Variants in CCT6B observed in about 807,000 individuals in gnomAD.
The protein encoded by CCT6B is chaperonin containing TCP1 subunit 6B, also known as probable T-complex protein 1 subunit zeta-2.
CCT6B carries 49 observed loss-of-function variants against 61.5 expected under a neutral mutation model. The ratio of observed to expected loss-of-function variants is 0.80; its 90% confidence interval spans 0.63 to 1.01. The LOEUF is 1.01. CCT6B is among the 50% of genes least tolerant of loss of function. The probability of loss-of-function intolerance (pLI) is 0.00; values close to 1 mark genes in which losing one functional copy is unlikely to be tolerated. For synonymous variants in CCT6B, 228 were observed against 214.5 expected, an observed-to-expected ratio of 1.06 and a Z score of -0.55; for missense variants, 666 against 634.7, an observed-to-expected ratio of 1.05 and a Z score of -0.53.
rs2142185579 is a variant in CCT6B at position 34,958,622 on chromosome 17, T to C, written c.274A>G (p.Thr92Ala). 6.2e-7 allele frequency: 1 copy of C among 1,601,988 alleles called. No individual in the cohort carries two copies. Among genetic ancestry groups the C allele is most frequent in the Middle Eastern group, 1.7e-4 (1 of 6,036 alleles). ...CCAATAATTAGAACATTTGAAGTAG[T>C]ACCATCTCCTGTGACGTCATCCTGA... ...TAQDDVTGDG[T>A]TSNVLIIGEL... Residue 92 changes from threonine (T) to alanine (A), a missense_variant, in exon 3 of 14, where the codon ACT becomes GCT. Thr to Ala is a moderately conservative substitution (Grantham distance 58, BLOSUM62 0). Coordinates refer to ENST00000314144, the MANE Select transcript of CCT6B (RefSeq NM_006584.4).
At chr17:34,929,594 A>AC (rs1389103811) in intron 12 of CCT6B, among the ~76,000 whole-genome samples, 1 of 148,364 alleles carries the variant, frequency 6.7e-6, no homozygotes, top group African/African-American at 2.5e-5. Context: ...GCTCCCTGCA[A>AC]CCTCCACCTC....
At chr17:34,939,462 A>C (rs1277400309) in intron 9 of CCT6B, 132 bp from the exon 10 acceptor site, 1 of 845,836 alleles carries the variant, frequency 1.2e-6, no homozygotes, top group Non-Finnish European at 1.8e-6. Flanking sequence ...TTATATCTGA[A>C]CTCTTAACAA....
intron 5 of CCT6B, among the ~76,000 whole-genome samples, chr17:34,945,225 A>G (rs1198630454): frequency 1.3e-5 from 2 of 152,170 alleles, no homozygotes; most frequent in East Asian, 3.9e-4. Flanking sequence ...TCATTAACTC[A>G]TGGCTTTAAG....
At chr17:34,937,872 TTTTC>T in intron 10 of CCT6B, among the ~76,000 whole-genome samples, 1 of 131,616 alleles carries the variant, frequency 7.6e-6, no homozygotes. Context: ...ACACAAATTT[TTTTC>T]TTTTCTTTTC....
intron 10 of CCT6B, among the ~76,000 whole-genome samples, chr17:34,934,641 A>G (rs978381867): frequency 6.6e-6 from 1 of 152,230 alleles, no homozygotes; most frequent in African/African-American, 2.4e-5. Context: ...CCCTACGTCT[A>G]TTAAAAAAAT....
At chr17:34,931,865 C>G (rs768370178) in intron 11 of CCT6B, among the ~76,000 whole-genome samples, 21 of 152,002 alleles carry the variant, frequency 1.4e-4, no homozygotes, top group Admixed American at 2.6e-4. Context: ...CGCTTTCTGT[C>G]CTTAGGTTGC....
Position 34,928,968 on chromosome 17 carries a change from T to TA in CCT6B, c.1516_1517insT (p.His506LeufsTer14). 1 of 1,570,922 alleles carries TA rather than the reference T, an allele frequency of 6.4e-7. No individual in the cohort carries two copies. Among genetic ancestry groups the TA allele is most frequent in the Admixed American group, 1.7e-5 (1 of 59,884 alleles). On this transcript the variant is annotated frameshift_variant, in exon 13 of 14. Coordinates refer to ENST00000314144, the MANE Select transcript of CCT6B (RefSeq NM_006584.4). LOFTEE classifies it high-confidence loss of function. ...TATGTTCATATGAACTTACCAAGAGTGAAGAAGTTGTTTTTTTACACAATA... is the reference window on the plus strand; with the variant it reads ...TATGTTCATATGAACTTACCAAGAGTAGAAGAAGTTGTTTTTTTACACAATA...
At chr17:34,936,175 C>T (rs1326581205) in intron 10 of CCT6B, among the ~76,000 whole-genome samples, 1 of 152,096 alleles carries the variant, frequency 6.6e-6, no homozygotes, top group Non-Finnish European at 1.5e-5. Flanking sequence ...TCTTGAACTC[C>T]TGACCTCAGG....
In CCT6B at chr17:34,939,070, G is replaced by C. The variant is rs536785345; in HGVS notation, c.1213+113C>G. ...CTGCACTAAAGCCTGGGCAACAGAG[G>C]AAGACTCTGTCTAAAAATATACATA... On this transcript the variant is annotated intron_variant, in intron 10 of 13. Transcript: ENST00000314144. The C allele has an allele frequency of 4.7e-4, 407 of 873,252 alleles. 1 individual carries two copies. In the South Asian group the frequency reaches 8.4e-3, roughly 18 times the overall value. 54.1% of individuals were successfully genotyped at this position (873,252 alleles called of 1,614,324 possible).
chr17:34,939,709 A>T lies in CCT6B; in HGVS notation c.973T>A (p.Ser325Thr). Residue 325 changes from serine to threonine, a missense_variant, in exon 9 of 14, where the codon TCT becomes ACT. Physicochemically the swap from Ser to Thr is moderately conservative, Grantham distance 58 (BLOSUM62 1). Transcript: ENST00000314144. ...ACGGCCATTCCACCACAAGCAAGAG[A>T]GAGTCTGAAATTACATATATGTCAC... is the stretch of plus-strand genomic sequence containing the variant. ...RAKRRNMERL[S>T]LACGGMAVNS... 1 of 1,605,880 alleles carries T rather than the reference A, an allele frequency of 6.2e-7. No individual in the cohort carries two copies. Among genetic ancestry groups the T allele is most frequent in the Non-Finnish European group, 8.5e-7 (1 of 1,172,656 alleles).
chr17:34,945,945 T>C (rs151292385), intron 5 of CCT6B, among the ~76,000 whole-genome samples: 1,937 of 152,338 alleles, frequency 0.013, 19 homozygotes, highest in Middle Eastern at 0.058. Context: ...CAGGCAAATC[T>C]GAACTTCGGT....
At chr17:34,952,785 A>C (rs2090306295) in intron 4 of CCT6B, among the ~76,000 whole-genome samples, 1 of 152,210 alleles carries the variant, frequency 6.6e-6, no homozygotes, top group Non-Finnish European at 1.5e-5. Flanking sequence ...AATATACATA[A>C]AGCAGAAAAA....
At chr17:34,928,206 G>A (rs1311043731) in intron 13 of CCT6B, 89 bp from the exon 14 acceptor site, 1 of 695,150 alleles carries the variant, frequency 1.4e-6, no homozygotes, top group Non-Finnish European at 2.5e-6. Context: ...AGGGTACTTT[G>A]TTCTTTAATG....
intron 10 of CCT6B, among the ~76,000 whole-genome samples, chr17:34,938,421 T>C (rs2090119191): frequency 6.6e-6 from 1 of 151,608 alleles, no homozygotes; most frequent in African/African-American, 2.4e-5. Flanking sequence ...AATTAAAAAT[T>C]AGCCAGGTGT....
At chr17:34,938,310 A>G (rs969343637) in intron 10 of CCT6B, among the ~76,000 whole-genome samples, 2 of 152,172 alleles carry the variant, frequency 1.3e-5, no homozygotes, top group Non-Finnish European at 2.9e-5. Flanking sequence ...TCGTGCCTAC[A>G]AATCCCAGCA....
At position 34,943,111 on chromosome 17, in the gene CCT6B, G is replaced by A. The variant is rs534508467; in HGVS notation, c.615-205C>T. The stretch of plus-strand genomic sequence containing the variant: ...TGTCCAGGCTGGCCACGAACTCCTG[G>A]GCTCAAGCAATCCTCCTGCCTCAGC... On this transcript the variant is annotated intron_variant, in intron 5 of 13. Coordinates refer to ENST00000314144, the MANE Select transcript of CCT6B (RefSeq NM_006584.4). 6 of 443,516 alleles carry A rather than the reference G, an allele frequency of 1.4e-5. No homozygotes were observed. The South Asian group carries it at 1.8e-4, about 13-fold the overall frequency. The allele number at this position is 443,516 out of a possible 1,614,324, so 27.5% of individuals were successfully genotyped here. A position where few individuals can be genotyped will look rare whatever the true frequency, so the allele number is the denominator to read the frequency against.
intron 10 of CCT6B, among the ~76,000 whole-genome samples, chr17:34,938,271 G>C (rs187901947): frequency 4.6e-5 from 7 of 152,134 alleles, no homozygotes; most frequent in Non-Finnish European, 7.4e-5. Context: ...CACATTAAAA[G>C]ATGCTCAACA....
At chr17:34,954,087 C>T (rs2090321929) in intron 4 of CCT6B, among the ~76,000 whole-genome samples, 1 of 152,136 alleles carries the variant, frequency 6.6e-6, no homozygotes, top group Non-Finnish European at 1.5e-5. Flanking sequence ...AAACAACTAT[C>T]TTGTGTGTCA....
intron 10 of CCT6B, among the ~76,000 whole-genome samples, chr17:34,937,101 T>C (rs1360665583): frequency 6.6e-6 from 1 of 152,040 alleles, no homozygotes; most frequent in Admixed American, 6.6e-5. Flanking sequence ...AAGTCTGCAG[T>C]GAGCCATGAT....
Sources: gnomAD v4.1 joint callset for allele counts (sites outside exome capture counted in the v4.1 genomes callset) on GRCh38, gnomAD v4.1.1 for gene constraint, MANE v1.5 for transcripts, NCBI Gene and HGNC (gene_info 2026-07-23, HGNC 2026-07-21) for gene names.